MYOM1: variants seen among roughly 807,000 people sequenced by gnomAD.
MYOM1 encodes myomesin-1.
MYOM1 carries 164 observed loss-of-function variants against 205.3 expected under a neutral mutation model. That is an observed-to-expected ratio of 0.80 (90% CI 0.70 to 0.91). The LOEUF is 0.91. Ranked by LOEUF, MYOM1 falls within the 40% of genes least tolerant of loss-of-function variation. The pLI is 0.00. For missense variants in MYOM1, 2,011 were observed against 2,127.3 expected, an observed-to-expected ratio of 0.95 and a Z score of 1.08; for synonymous variants, 772 against 789.4, an observed-to-expected ratio of 0.98 and a Z score of 0.37.
intron 9 of MYOM1, among the ~76,000 whole-genome samples, chr18:3,165,627 T>C (rs1277453728): frequency 6.6e-6 from 1 of 152,022 alleles, no homozygotes; most frequent in Non-Finnish European, 1.5e-5. Context: ...TTTTATTTTA[T>C]AATATTTTAG....
chr18:3,114,178 C>A (rs1485948057), intron 21 of MYOM1, among the ~76,000 whole-genome samples: 1 of 152,224 alleles, frequency 6.6e-6, no homozygotes, highest in Non-Finnish European at 1.5e-5. Context: ...CCTGACACAT[C>A]TGCACCTGCC....
the MYOM1 span, among the ~76,000 whole-genome samples, chr18:3,240,719 G>C: frequency 6.6e-6 from 1 of 152,218 alleles, no homozygotes; most frequent in Non-Finnish European, 1.5e-5. Context: ...AACACACAGA[G>C]GCTGGAACAG....
intron 20 of MYOM1, among the ~76,000 whole-genome samples, chr18:3,118,145 T>C (rs1441887036): frequency 6.6e-6 from 1 of 152,180 alleles, no homozygotes; most frequent in Non-Finnish European, 1.5e-5. Flanking sequence ...TGAGTGTCAA[T>C]TTTTTCATCT....
chr18:3,134,889 CACAA>C, intron 15 of MYOM1, 65 bp from the exon 16 acceptor site: 2 of 1,451,682 alleles, frequency 1.4e-6, no homozygotes, highest in Non-Finnish European at 1.9e-6. Flanking sequence ...ATCATCTATG[CACAA>C]ACACACACCT....
intron 6 of MYOM1, among the ~76,000 whole-genome samples, 188 bp from the exon 7 acceptor site, chr18:3,174,396 T>C (rs2080604748): frequency 6.6e-6 from 1 of 152,176 alleles, no homozygotes; most frequent in Non-Finnish European, 1.5e-5. Context: ...CTAGTCCAAG[T>C]GATCTACTGC....
At chr18:3,216,050 T>G (rs2081262506) in intron 1 of MYOM1, among the ~76,000 whole-genome samples, 1 of 152,050 alleles carries the variant, frequency 6.6e-6, no homozygotes, top group African/African-American at 2.4e-5. Context: ...GGCGGATCAC[T>G]TGAGGTCAGG....
rs59395290 is a variant in MYOM1 at position 3,118,352 on chromosome 18, C to CTT, written c.3118+1515_3118+1516dup. Among the ~76,000 whole-genome samples, 99 of 151,342 alleles carry CTT rather than the reference C, an allele frequency of 6.5e-4. 1 individual carries two copies. The East Asian group carries it at 9.0e-3, about 14-fold the overall frequency. ...CAACCTTTCTTTGTCAACTGCATCA[C>CTT]TTTTTTTTAAAGACAGACAGAGCCT... On this transcript the variant is annotated intron_variant, in intron 20 of 37. Transcript: ENST00000356443.
chr18:3,197,418 C>T (rs1022116701), intron 2 of MYOM1, among the ~76,000 whole-genome samples: 1 of 151,898 alleles, frequency 6.6e-6, no homozygotes, highest in Non-Finnish European at 1.5e-5. Context: ...GATCTCCAAC[C>T]TTTATGATCA....
At chr18:3,146,015 T>C (rs1203547200) in intron 13 of MYOM1, among the ~76,000 whole-genome samples, 4 of 151,984 alleles carry the variant, frequency 2.6e-5, no homozygotes, top group African/African-American at 2.4e-5. Flanking sequence ...TCTTGAAAGA[T>C]GAAAACTATT....
intron 16 of MYOM1, among the ~76,000 whole-genome samples, chr18:3,132,118 G>GTGTATATATATATA (rs369243798): frequency 4.9e-5 from 7 of 143,460 alleles, no homozygotes; most frequent in South Asian, 2.1e-4. Context: ...ATATGTGTGT[G>GTGTATATATATATA]TATATATATA....
chr18:3,213,633 T>C (rs181149121), intron 2 of MYOM1, among the ~76,000 whole-genome samples: 2 of 152,336 alleles, frequency 1.3e-5, no homozygotes, highest in African/African-American at 4.8e-5. Flanking sequence ...CCCAGGGACG[T>C]TGCTGTTGTA....
rs9973053 is a variant in MYOM1 at position 3,214,691 on chromosome 18, T to C, written c.290+243A>G. On this transcript the variant is annotated intron_variant, in intron 2 of 37. Coordinates refer to ENST00000356443, the MANE Select transcript of MYOM1 (RefSeq NM_003803.4). ...ACACGACATGAGCCGGGCGTGGTGGTGCACGCCTGTAATCCCAGCTACTCG... is the reference window on the plus strand; with the variant it reads ...ACACGACATGAGCCGGGCGTGGTGGCGCACGCCTGTAATCCCAGCTACTCG... 5.8e-3 allele frequency among the ~76,000 whole-genome samples: 885 copies of C among 152,100 alleles called. 6 individuals are homozygous for C. Among genetic ancestry groups the C allele is most frequent in the African/African-American group, 0.02 (840 of 41,476 alleles).
chr18:3,144,616 T>A (rs1369298823), intron 13 of MYOM1, among the ~76,000 whole-genome samples: 1 of 152,148 alleles, frequency 6.6e-6, no homozygotes, highest in African/African-American at 2.4e-5. Context: ...AAGGCACACA[T>A]AGGCTAAGTG....
At chr18:3,113,004 T>G (rs151282874) in intron 21 of MYOM1, among the ~76,000 whole-genome samples, 1 of 152,148 alleles carries the variant, frequency 6.6e-6, no homozygotes. Flanking sequence ...AATTGTGAGT[T>G]TGAATAATTT....
intron 25 of MYOM1, among the ~76,000 whole-genome samples, chr18:3,095,881 C>A (rs1459837737): frequency 6.6e-6 from 1 of 152,146 alleles, no homozygotes; most frequent in Non-Finnish European, 1.5e-5. Flanking sequence ...ACAGGATGCT[C>A]ATGCTTGCTA....
intron 6 of MYOM1, among the ~76,000 whole-genome samples, chr18:3,175,547 T>C (rs67326572): frequency 0.044 from 6,719 of 152,290 alleles, 171 homozygotes; most frequent in African/African-American, 0.049. Context: ...ACAGAGTGCA[T>C]ACTTTCCCAT....
chr18:3,166,263 C>CTTTTTTTTTTTTTTTTTTTTT (rs765532198), intron 9 of MYOM1, among the ~76,000 whole-genome samples: 1 of 111,668 alleles, frequency 9.0e-6, no homozygotes, highest in Non-Finnish European at 1.8e-5. Flanking sequence ...TATCTCAAGT[C>CTTTTTTTTTTTTTTTTTTTTT]TTTTTTTTTT....
intron 2 of MYOM1, among the ~76,000 whole-genome samples, chr18:3,213,372 G>C (rs1050854261): frequency 6.6e-6 from 1 of 152,158 alleles, no homozygotes; most frequent in Admixed American, 6.5e-5. Flanking sequence ...GGTGGTTATC[G>C]ACCACATAGC....
intron 2 of MYOM1, among the ~76,000 whole-genome samples, chr18:3,201,000 T>A (rs1019374336): frequency 5.0e-4 from 76 of 152,158 alleles, no homozygotes; most frequent in African/African-American, 1.8e-3. Flanking sequence ...GTAAAATGAT[T>A]CTTTACACAC....
Sources: gnomAD v4.1 joint callset for allele counts (sites outside exome capture counted in the v4.1 genomes callset) on GRCh38, gnomAD v4.1.1 for gene constraint, MANE v1.5 for transcripts, NCBI Gene and HGNC (gene_info 2026-07-23, HGNC 2026-07-21) for gene names.